The following THSD4 variants were observed in gnomAD, a reference collection of about 807,000 sequenced individuals.
THSD4 encodes the protein thrombospondin type-1 domain-containing protein 4.
Under a neutral mutation model 119.0 loss-of-function variants are expected in THSD4, and 69 were observed. The ratio of observed to expected loss-of-function variants is 0.58; its 90% CI spans 0.48 to 0.71. The LOEUF is 0.71. THSD4 is among the 30% of genes least tolerant of loss of function. The pLI is 0.00. For missense variants in THSD4, 1,393 were observed against 1,391.1 expected, an observed-to-expected ratio of 1.00 and a Z score of -0.02; for synonymous variants, 524 against 540.4, an observed-to-expected ratio of 0.97 and a Z score of 0.42.
chr15:71,473,644 T>A (rs1046007981), intron 7 of THSD4, among the ~76,000 whole-genome samples: 1 of 152,116 alleles, frequency 6.6e-6, no homozygotes, highest in Non-Finnish European at 1.5e-5. Flanking sequence ...CAGGGAACAT[T>A]CCCTTCCCAT....
At chr15:71,281,434 T>C (rs2044651561) in intron 6 of THSD4, among the ~76,000 whole-genome samples, 1 of 152,254 alleles carries the variant, frequency 6.6e-6, no homozygotes, top group Non-Finnish European at 1.5e-5. Context: ...TGGGAGCCTC[T>C]ATAAACATTC....
At chr15:71,770,640 GC>G (rs2053805557) in intron 16 of THSD4, among the ~76,000 whole-genome samples, 5 of 152,136 alleles carry the variant, frequency 3.3e-5, no homozygotes, top group Admixed American at 3.3e-4. Context: ...GGGTGACAGA[GC>G]AAGACTCCAT....
chr15:71,711,097 A>ATATATATATGTATATATATATACG (rs1567113208), intron 8 of THSD4, among the ~76,000 whole-genome samples: 7 of 145,860 alleles, frequency 4.8e-5, no homozygotes, highest in African/African-American at 1.8e-4. Flanking sequence ...ATATATATAC[A>ATATATATATGTATATATATATACG]TATATATATA....
At chr15:71,495,174 A>G (rs148462494) in intron 7 of THSD4, among the ~76,000 whole-genome samples, 1,899 of 152,314 alleles carry the variant, frequency 0.012, 20 homozygotes, top group Non-Finnish European at 0.018. Context: ...ACAACTGCCA[A>G]TAGCAACCCA....
At position 71,420,144 on chromosome 15, in the gene THSD4, A is replaced by G. The variant is rs531345534; in HGVS notation, c.1152+8321A>G. ...TTAGTTTTAGTACTATTTGCTTTAT[A>G]TATCTGGGTACTCCAGTGTTGGGTG... On this transcript the variant is annotated intron_variant, in intron 7 of 17. Coordinates refer to ENST00000261862, the MANE Select transcript of THSD4 (RefSeq NM_024817.3). 3.7e-5 allele frequency among the ~76,000 whole-genome samples: 4 copies of G among 107,948 alleles called. 1 individual carries two copies. The highest frequency in any genetic ancestry group is 8.1e-5 in the Non-Finnish European group (4 of 49,236). 70.8% of individuals were successfully genotyped at this position (107,948 alleles called of 152,430 possible).
chr15:71,287,999 C>T (rs897251977), intron 6 of THSD4, among the ~76,000 whole-genome samples: 1 of 152,136 alleles, frequency 6.6e-6, no homozygotes, highest in Non-Finnish European at 1.5e-5. Flanking sequence ...ACACGACGCG[C>T]AACATGCCCT....
At chr15:71,426,974 T>G (rs2046878529) in intron 7 of THSD4, among the ~76,000 whole-genome samples, 1 of 152,108 alleles carries the variant, frequency 6.6e-6, no homozygotes. Context: ...ATGAATAGGA[T>G]TAACTAAGAA....
At chr15:71,591,362 TCTC>T (rs2140873789) in intron 7 of THSD4, among the ~76,000 whole-genome samples, 1 of 152,330 alleles carries the variant, frequency 6.6e-6, no homozygotes, top group African/African-American at 2.4e-5. Context: ...ATTCTTTACA[TCTC>T]CTTCTGTTTT....
chr15:71,238,819 A>G (rs909244645), intron 4 of THSD4, among the ~76,000 whole-genome samples: 7 of 152,218 alleles, frequency 4.6e-5, no homozygotes, highest in Non-Finnish European at 8.8e-5. Flanking sequence ...TAGGACTGCA[A>G]TTGCTAGGTC....
chr15:71,545,369 C>A (rs1287568982), intron 7 of THSD4, among the ~76,000 whole-genome samples: 1 of 152,172 alleles, frequency 6.6e-6, no homozygotes, highest in Non-Finnish European at 1.5e-5. Context: ...TGGCAAACTA[C>A]TGTCAAATCT....
At chr15:71,685,309 T>C (rs2051884727) in intron 8 of THSD4, among the ~76,000 whole-genome samples, 1 of 152,092 alleles carries the variant, frequency 6.6e-6, no homozygotes, top group Non-Finnish European at 1.5e-5. Flanking sequence ...TCAGGACCCT[T>C]TTCTCCTCTT....
At chr15:71,286,994 G>A (rs950106711) in intron 6 of THSD4, among the ~76,000 whole-genome samples, 24 of 152,076 alleles carry the variant, frequency 1.6e-4, no homozygotes, top group Non-Finnish European at 2.6e-4. Flanking sequence ...GGGTTATTCC[G>A]AATTTTGCCT....
intron 6 of THSD4, among the ~76,000 whole-genome samples, chr15:71,336,052 C>T (rs969352746): frequency 1.3e-5 from 2 of 152,160 alleles, no homozygotes; most frequent in African/African-American, 2.4e-5. Context: ...GATGGCCTTT[C>T]GCATTGCAAT....
chr15:71,147,065 G>A (rs2040669583), intron 2 of THSD4, among the ~76,000 whole-genome samples: 1 of 152,188 alleles, frequency 6.6e-6, no homozygotes, highest in African/African-American at 2.4e-5. Flanking sequence ...ATTAGAACCA[G>A]TAATTCCAAT....
chr15:71,367,125 G>A (rs1469692196), intron 6 of THSD4, among the ~76,000 whole-genome samples: 1 of 152,000 alleles, frequency 6.6e-6, no homozygotes, highest in Non-Finnish European at 1.5e-5. Flanking sequence ...TAGAACACAG[G>A]AACAACCCAT....
intron 2 of THSD4, among the ~76,000 whole-genome samples, chr15:71,147,064 A>C (rs1407884016): frequency 6.6e-6 from 1 of 152,236 alleles, no homozygotes; most frequent in Non-Finnish European, 1.5e-5. Context: ...GATTAGAACC[A>C]GTAATTCCAA....
In THSD4 at chr15:71,417,736, A is replaced by G. The variant is rs1022747897; in HGVS notation, c.1152+5913A>G. Among the ~76,000 whole-genome samples, 149 of 108,416 alleles carry G rather than the reference A, an allele frequency of 1.4e-3. 37 individuals carry two copies. Among genetic ancestry groups the G allele is most frequent in the African/African-American group, 4.4e-3 (140 of 31,862 alleles). 71.1% of individuals were successfully genotyped at this position (108,416 alleles called of 152,430 possible). A position where few individuals can be genotyped will look rare whatever the true frequency, so the allele number is the denominator to read the frequency against. On this transcript the variant is annotated intron_variant, in intron 7 of 17. Coordinates refer to ENST00000261862, the MANE Select transcript of THSD4 (RefSeq NM_024817.3). ...GCTCTTCTTAATCTTTTGTGATTCCATATAAATTTTAAAATTGTGTTTTTC... is the reference window on the plus strand; with the variant it reads ...GCTCTTCTTAATCTTTTGTGATTCCGTATAAATTTTAAAATTGTGTTTTTC...
intron 7 of THSD4, among the ~76,000 whole-genome samples, chr15:71,477,509 A>G (rs768112470): frequency 3.9e-5 from 6 of 152,136 alleles, no homozygotes; most frequent in Non-Finnish European, 5.9e-5. Flanking sequence ...CTGGAGTGGG[A>G]TTAGGAGTAT....
upstream of THSD4, chr15:71,111,428 T>C (rs973170396): frequency 6.3e-7 from 1 of 1,598,894 alleles, no homozygotes; most frequent in Admixed American, 1.7e-5. Context: ...CCAGAGTTCC[T>C]GGAGGAGGAA....
Sources: gnomAD v4.1 joint callset for allele counts (sites outside exome capture counted in the v4.1 genomes callset) on GRCh38, gnomAD v4.1.1 for gene constraint, MANE v1.5 for transcripts, NCBI Gene and HGNC (gene_info 2026-07-23, HGNC 2026-07-21) for gene names.